Variants in CNTN4 observed in about 807,000 individuals in gnomAD.
The protein encoded by CNTN4 is contactin-4.
CNTN4 carries 77 observed loss-of-function variants against 122.5 expected under a neutral mutation model. The observed-to-expected ratio is 0.63, with a 90% CI of 0.52 to 0.76. The LOEUF (loss-of-function observed/expected upper bound fraction) is 0.76, where lower values mean the gene tolerates loss of function less well. CNTN4 is among the 30% of genes least tolerant of loss of function. The pLI is 0.00. For synonymous variants in CNTN4, 512 were observed against 447.0 expected, an observed-to-expected ratio of 1.15 and a Z score of -1.83; for missense variants, 1,256 against 1,259.1, an observed-to-expected ratio of 1.00 and a Z score of 0.04.
At chr3:2,129,342 A>G (rs2034339037) in intron 2 of CNTN4, among the ~76,000 whole-genome samples, 1 of 151,594 alleles carries the variant, frequency 6.6e-6, no homozygotes, top group Non-Finnish European at 1.5e-5. Flanking sequence ...TTGTAATGAG[A>G]AACAAAATAA....
chr3:2,523,049 T>C (rs931766899), intron 3 of CNTN4, among the ~76,000 whole-genome samples: 6 of 152,228 alleles, frequency 3.9e-5, no homozygotes, highest in African/African-American at 1.4e-4. Flanking sequence ...TGTAGATAGT[T>C]ATTTAAAGAT....
chr3:2,219,322 C>T (rs994886525), intron 2 of CNTN4, among the ~76,000 whole-genome samples: 4 of 151,980 alleles, frequency 2.6e-5, no homozygotes, highest in Non-Finnish European at 5.9e-5. Flanking sequence ...TTTTTGTGTC[C>T]CAGTGTTACA....
At chr3:2,785,146 T>TATAGAG (rs1373817502) in intron 6 of CNTN4, among the ~76,000 whole-genome samples, 2 of 150,920 alleles carry the variant, frequency 1.3e-5, no homozygotes, top group South Asian at 4.2e-4. Flanking sequence ...CACATATATA[T>TATAGAG]AGAGAGAGAG....
rs547278081 is a variant in CNTN4, at chr3:2,329,786, C to G, written c.-144-9392C>G. Among the ~76,000 whole-genome samples the G allele has an allele frequency of 5.9e-5, 9 of 152,210 alleles. No homozygotes were observed. In the South Asian group the frequency reaches 1.9e-3, roughly 32 times the overall value. ...GCTTTGTACCAGGAAAAATTAAAAGCACTTAATAAGCATTAATTTATGTAG... is the reference window on the plus strand; with the variant it reads ...GCTTTGTACCAGGAAAAATTAAAAGGACTTAATAAGCATTAATTTATGTAG... On this transcript the variant is annotated intron_variant, in intron 2 of 24. Coordinates refer to ENST00000418658, the MANE Select transcript of CNTN4 (RefSeq NM_175607.3).
intron 3 of CNTN4, among the ~76,000 whole-genome samples, chr3:2,486,473 A>G (rs1236008528): frequency 6.6e-6 from 1 of 152,204 alleles, no homozygotes; most frequent in African/African-American, 2.4e-5. Flanking sequence ...AATGATTTTA[A>G]TATGATAGTG....
intron 6 of CNTN4, among the ~76,000 whole-genome samples, chr3:2,758,170 G>A (rs1576678931): frequency 6.6e-6 from 1 of 152,210 alleles, no homozygotes; most frequent in East Asian, 1.9e-4. Context: ...TCAACAAATG[G>A]CTTTTCTTAT....
chr3:2,413,734 G>A (rs1008778092), intron 3 of CNTN4, among the ~76,000 whole-genome samples: 1 of 152,010 alleles, frequency 6.6e-6, no homozygotes, highest in Non-Finnish European at 1.5e-5. Flanking sequence ...AGTAGAGACG[G>A]GGTTTCACCA....
At chr3:2,300,384 AG>A (rs1354807355) in intron 2 of CNTN4, among the ~76,000 whole-genome samples, 1 of 152,072 alleles carries the variant, frequency 6.6e-6, no homozygotes, top group African/African-American at 2.4e-5. Flanking sequence ...TTGTTGGGAA[AG>A]CTTTGCATGT....
intron 4 of CNTN4, chr3:2,629,381 C>T (rs2082328823): frequency 3.4e-6 from 1 of 292,886 alleles, no homozygotes; most frequent in African/African-American, 2.2e-5. Flanking sequence ...GTCACGGCAG[C>T]CTGAGCAGAC....
At chr3:2,710,274 T>C (rs1241076548) in intron 4 of CNTN4, among the ~76,000 whole-genome samples, 1 of 152,180 alleles carries the variant, frequency 6.6e-6, no homozygotes, top group Non-Finnish European at 1.5e-5. Context: ...AGGATGTGTG[T>C]AAAGCACTTC....
chr3:3,033,661 C>G (rs2125696058), intron 16 of CNTN4, among the ~76,000 whole-genome samples: 1 of 152,312 alleles, frequency 6.6e-6, no homozygotes, highest in South Asian at 2.1e-4. Flanking sequence ...TCACCATCAC[C>G]TTCCCTCCTG....
intron 2 of CNTN4, among the ~76,000 whole-genome samples, chr3:2,230,154 G>C (rs917485883): frequency 6.6e-6 from 1 of 152,210 alleles, no homozygotes; most frequent in Admixed American, 6.6e-5. Flanking sequence ...GCTGTCACCT[G>C]TCCTACACAG....
intron 10 of CNTN4, among the ~76,000 whole-genome samples, chr3:2,892,804 TA>T (rs2094058848): frequency 6.6e-6 from 1 of 152,206 alleles, no homozygotes; most frequent in African/African-American, 2.4e-5. Flanking sequence ...CAGAATCCAG[TA>T]ATACTTAAGC....
intron 3 of CNTN4, among the ~76,000 whole-genome samples, chr3:2,358,622 C>T (rs1033661537): frequency 6.6e-6 from 1 of 151,852 alleles, no homozygotes; most frequent in Non-Finnish European, 1.5e-5. Context: ...TTTCATATTC[C>T]CCACACCATT....
chr3:2,193,422 A>G (rs559764867), intron 2 of CNTN4, among the ~76,000 whole-genome samples: 110 of 152,282 alleles, frequency 7.2e-4, no homozygotes, highest in African/African-American at 2.5e-3. Flanking sequence ...CATCAACTTT[A>G]TTCTTCAAAA....
chr3:2,546,035 C>A lies in CNTN4; in HGVS notation c.-88-25381C>A, dbSNP rs549044448. On this transcript the variant is annotated intron_variant, in intron 3 of 24. Transcript: ENST00000418658. ...AAAATAACAGATGCTAGCAAGGTTGCAGGAAAAAAGGGAATGCTTATACAC... is the reference window on the plus strand; with the variant it reads ...AAAATAACAGATGCTAGCAAGGTTGAAGGAAAAAAGGGAATGCTTATACAC... Among the ~76,000 whole-genome samples the A allele has an allele frequency of 7.2e-5, 11 of 151,900 alleles. No individual in the cohort carries two copies. The East Asian group carries it at 2.1e-3, about 30-fold the overall frequency.
At chr3:2,225,086 C>A (rs1458521946) in intron 2 of CNTN4, among the ~76,000 whole-genome samples, 1 of 150,200 alleles carries the variant, frequency 6.7e-6, no homozygotes, top group Non-Finnish European at 1.5e-5. Context: ...GGAGGTAGAG[C>A]TTGCAAGTGA....
At chr3:2,755,360 A>T (rs1015860216) in intron 6 of CNTN4, among the ~76,000 whole-genome samples, 1 of 152,206 alleles carries the variant, frequency 6.6e-6, no homozygotes, top group African/African-American at 2.4e-5. Flanking sequence ...ATCAACTGAA[A>T]TGTAATCAAC....
chr3:2,789,728 G>C (rs1361385004), intron 6 of CNTN4, among the ~76,000 whole-genome samples: 1 of 152,178 alleles, frequency 6.6e-6, no homozygotes, highest in Non-Finnish European at 1.5e-5. Context: ...ATTGTGCCTG[G>C]CCTCGGATTT....
Sources: allele counts gnomAD v4.1 joint callset (sites outside exome capture counted in the v4.1 genomes callset), GRCh38; gene constraint gnomAD v4.1.1; transcripts MANE v1.5; gene names NCBI Gene and HGNC (gene_info 2026-07-23, HGNC 2026-07-21).